The following SLC22A25 variants were observed in gnomAD, a reference collection of about 807,000 sequenced individuals.
SLC22A25 encodes solute carrier family 22 member 25, also known as MGI:2442751, MGI:2385316, MGI:3042283, MGI:3645714, MGI:3605624, MGI:2442750.
Under a neutral mutation model 45.9 loss-of-function variants are expected in SLC22A25, and 44 were observed. The ratio of observed to expected loss-of-function variants is 0.96; its 90% CI spans 0.75 to 1.23. The LOEUF (loss-of-function observed/expected upper bound fraction) is 1.23, where lower values mean the gene tolerates loss of function less well. SLC22A25 is among the 50% of genes most tolerant of loss of function. The pLI, the probability that SLC22A25 is intolerant of heterozygous loss-of-function variation, is 0.00. For missense variants in SLC22A25, 800 were observed against 666.4 expected, an observed-to-expected ratio of 1.20 and a Z score of -2.21; for synonymous variants, 283 against 238.6, an observed-to-expected ratio of 1.19 and a Z score of -1.72.
chr11:63,223,192 T>C (rs1247194954), intron 5 of SLC22A25, among the ~76,000 whole-genome samples: 2 of 151,972 alleles, frequency 1.3e-5, no homozygotes, highest in Admixed American at 6.6e-5. Context: ...AATAGTTTGA[T>C]TGGGATTCGT....
Position 63,229,253 on chromosome 11 carries a change from T to C in SLC22A25, c.400A>G (p.Lys134Glu). 2.6e-6 allele frequency: 4 copies of C among 1,523,386 alleles called. No homozygotes were observed. The South Asian group carries it at 4.0e-5, about 15-fold the overall frequency. The allele number at this position is 1,523,386 out of a possible 1,614,324, so 94.4% of individuals were successfully genotyped here. A position where few individuals can be genotyped will look rare whatever the true frequency, so the allele number is the denominator to read the frequency against. The change falls in exon 4 of 12, where the codon AAG becomes GAG. Residue 134 changes from lysine to glutamate, a missense_variant and splice_region_variant. Transcript: ENST00000306494. ...GAGAGGAAAATGAGGCCTCTTACCTTAGTCACAATGGTGGAAGGGAAGGAG... is the reference window on the plus strand; with the variant it reads ...GAGAGGAAAATGAGGCCTCTTACCTCAGTCACAATGGTGGAAGGGAAGGAG... The part of the protein sequence containing the change: ...QSSFPSTIVT[K>E]WDLVCESQPL...
chr11:63,164,468 T>C, intron 11 of SLC22A25, 58 bp downstream of exon 11: 2 of 1,421,340 alleles, frequency 1.4e-6, no homozygotes, highest in Non-Finnish European at 2.0e-6. Flanking sequence ...TTGTTAAGTG[T>C]CAATTGGTTG....
chr11:63,189,917 G>T (rs1305810692), intron 7 of SLC22A25, among the ~76,000 whole-genome samples: 1 of 152,226 alleles, frequency 6.6e-6, no homozygotes, highest in Non-Finnish European at 1.5e-5. Context: ...CAGATCAGCT[G>T]TTAGTCTGAT....
At chr11:63,173,100 C>T (rs974608180) in intron 9 of SLC22A25, among the ~76,000 whole-genome samples, 1 of 151,808 alleles carries the variant, frequency 6.6e-6, no homozygotes, top group Non-Finnish European at 1.5e-5. Flanking sequence ...CCATCATTCT[C>T]AGCAAACTAA....
chr11:63,217,412 T>C lies in SLC22A25; in HGVS notation c.732A>G (p.Gly244=). 3 of 1,614,032 alleles carry C rather than the reference T, an allele frequency of 1.9e-6. No individual in the cohort carries two copies. The highest frequency in any genetic ancestry group is 1.1e-5 in the South Asian group (1 of 91,082). ...LTLTLCAASI[G]HITLGSLAFV... The stretch of plus-strand genomic sequence containing the variant: ...AAGCCAGGCTTCCCAGGGTTATATG[T>C]CCAATACTAGCAGCACAAAGTGTCA... The change falls in exon 7 of 12, where the codon GGA becomes GGG. Residue 244 remains glycine (G), a synonymous_variant. Coordinates refer to ENST00000306494, the MANE Select transcript of SLC22A25 (RefSeq NM_199352.6).
intron 9 of SLC22A25, among the ~76,000 whole-genome samples, chr11:63,172,480 G>A (rs1428353913): frequency 1.3e-5 from 2 of 152,010 alleles, no homozygotes; most frequent in African/African-American, 4.8e-5. Context: ...GGCAAATGAT[G>A]TGAACAGACA....
intron 10 of SLC22A25, among the ~76,000 whole-genome samples, chr11:63,165,199 CAAATG>C (rs771992060): frequency 2.1e-4 from 32 of 152,244 alleles, no homozygotes; most frequent in Non-Finnish European, 4.0e-4. Flanking sequence ...ACTTTGGAAA[CAAATG>C]AAGTGAAGTT....
intron 5 of SLC22A25, among the ~76,000 whole-genome samples, chr11:63,221,892 T>C (rs558958397): frequency 6.6e-6 from 1 of 152,318 alleles, no homozygotes; most frequent in Non-Finnish European, 1.5e-5. Context: ...GACTGTCCTT[T>C]TCCCCAATGT....
intron 3 of SLC22A25, among the ~76,000 whole-genome samples, chr11:63,232,258 C>T (rs1167389314): frequency 6.6e-6 from 1 of 152,094 alleles, no homozygotes; most frequent in African/African-American, 2.4e-5. Flanking sequence ...ATTCTTCCTA[C>T]CCGTGAGCAT....
chr11:63,221,182 A>G (rs554305164), intron 5 of SLC22A25, among the ~76,000 whole-genome samples: 14 of 152,196 alleles, frequency 9.2e-5, no homozygotes, highest in African/African-American at 3.4e-4. Flanking sequence ...TCTACATTTA[A>G]CTTTTTGAGG....
chr11:63,196,012 A>C (rs2089013463), intron 7 of SLC22A25, among the ~76,000 whole-genome samples: 1 of 152,228 alleles, frequency 6.6e-6, no homozygotes, highest in Admixed American at 6.5e-5. Flanking sequence ...GAAGAAATGG[A>C]TAAATTCCTG....
intron 7 of SLC22A25, among the ~76,000 whole-genome samples, chr11:63,190,099 T>C (rs2088741682): frequency 6.6e-6 from 1 of 152,240 alleles, no homozygotes; most frequent in Non-Finnish European, 1.5e-5. Context: ...CCTGCCTTGC[T>C]AGATTGGGGA....
At chr11:63,210,380 T>G (rs73499795) in intron 7 of SLC22A25, among the ~76,000 whole-genome samples, 13,586 of 152,186 alleles carry the variant, frequency 0.089, 1,848 homozygotes, top group African/African-American at 0.3. Flanking sequence ...AGGGCATGGC[T>G]GAGGCAGAGG....
intron 9 of SLC22A25, among the ~76,000 whole-genome samples, chr11:63,171,584 A>T (rs1463926954): frequency 1.3e-5 from 2 of 152,202 alleles, no homozygotes; most frequent in Non-Finnish European, 2.9e-5. Flanking sequence ...TAAAATACCT[A>T]AGAATACAAC....
chr11:63,183,633 C>A, intron 8 of SLC22A25, 61 bp downstream of exon 8: 2 of 1,605,014 alleles, frequency 1.2e-6, no homozygotes, highest in Non-Finnish European at 1.7e-6. Context: ...TGAACACCAA[C>A]AAGTATAGAT....
At chr11:63,218,675 G>A (rs761019985) in intron 5 of SLC22A25, among the ~76,000 whole-genome samples, 62 of 152,078 alleles carry the variant, frequency 4.1e-4, no homozygotes, top group Non-Finnish European at 7.5e-4. Flanking sequence ...ATAGGTAAAT[G>A]GATGTGAAAG....
intron 5 of SLC22A25, among the ~76,000 whole-genome samples, chr11:63,220,563 C>T (rs1484330760): frequency 1.3e-5 from 2 of 152,160 alleles, no homozygotes; most frequent in African/African-American, 4.8e-5. Context: ...GTTATAATCA[C>T]ATTAGGGTAA....
At chr11:63,210,780 G>T (rs940935571) in intron 7 of SLC22A25, among the ~76,000 whole-genome samples, 13 of 152,162 alleles carry the variant, frequency 8.5e-5, no homozygotes, top group Admixed American at 7.9e-4. Flanking sequence ...TACTATCGTA[G>T]GGGCTACTGG....
At chr11:63,164,725 G>A in intron 10 of SLC22A25, 91 bp from the exon 11 acceptor site, 2 of 997,474 alleles carry the variant, frequency 2.0e-6, no homozygotes, top group South Asian at 1.3e-5. Flanking sequence ...TGCTTTGGAG[G>A]TGTTTCCAGG....
Sources: allele counts gnomAD v4.1 joint callset (sites outside exome capture counted in the v4.1 genomes callset), GRCh38; gene constraint gnomAD v4.1.1; transcripts MANE v1.5; gene names NCBI Gene and HGNC (gene_info 2026-07-23, HGNC 2026-07-21).